Variants in CACNA1I observed in about 807,000 individuals in gnomAD.
CACNA1I encodes the protein voltage-dependent T-type calcium channel subunit alpha-1I.
Under a neutral mutation model 201.6 loss-of-function variants are expected in CACNA1I, and 74 were observed. That is an observed-to-expected ratio of 0.37 (90% CI 0.30 to 0.45). The LOEUF (loss-of-function observed/expected upper bound fraction) is 0.45, where lower values mean the gene tolerates loss of function less well. Among genes scored for constraint, CACNA1I ranks in the 20% least tolerant of loss-of-function variants. The probability of loss-of-function intolerance (pLI) is 1.00; values close to 1 mark genes in which losing one functional copy is unlikely to be tolerated. For missense variants in CACNA1I, 2,346 were observed against 3,138.1 expected, an observed-to-expected ratio of 0.75 and a Z score of 6.03; for synonymous variants, 1,431 against 1,345.2, an observed-to-expected ratio of 1.06 and a Z score of -1.40.
chr22:39,596,634 C>T (rs1445398752), intron 1 of CACNA1I, among the ~76,000 whole-genome samples: 1 of 150,980 alleles, frequency 6.6e-6, no homozygotes, highest in African/African-American at 2.4e-5. Flanking sequence ...AGCCCAGGAG[C>T]AGGGGCAGGG....
At chr22:39,590,016 G>A (rs990635086) in intron 1 of CACNA1I, among the ~76,000 whole-genome samples, 17 of 151,492 alleles carry the variant, frequency 1.1e-4, no homozygotes, top group African/African-American at 2.9e-4. Context: ...ACTGAGTGTC[G>A]CCTGGGCCTG....
In CACNA1I at chr22:39,676,005, G is replaced by A. The variant is rs746848832; in HGVS notation, c.4855-1336G>A. 1.3e-5 allele frequency among the ~76,000 whole-genome samples: 2 copies of A among 152,240 alleles called. No individual in the cohort carries two copies. The highest frequency in any genetic ancestry group is 1.9e-4 in the East Asian group (1 of 5,196). Reference sequence around the variant, plus strand: ...GTTCTAGACAAGGAAGGCTGCAGCCGAGCTGCCTTTGAGAAGGTGGCTCTG... The same window carrying A: ...GTTCTAGACAAGGAAGGCTGCAGCCAAGCTGCCTTTGAGAAGGTGGCTCTG... On this transcript the variant is annotated intron_variant, in intron 29 of 36. Transcript: ENST00000402142. This position sits in a 1 kb window ranked among gnomAD's most constrained non-coding sequence, Gnocchi z 4.8.
In CACNA1I at chr22:39,651,680, CG is replaced by C. The variant is rs578158817; in HGVS notation, c.1992+1757del. ...GCACAGCCCTGCTACCCTCGAGCCC[CG>C]GCACTGTCCTTGCCAGGGGCTTGCT... is the stretch of plus-strand genomic sequence containing the variant. On this transcript the variant is annotated intron_variant, in intron 10 of 36. Transcript: ENST00000402142. Among the ~76,000 whole-genome samples, 8 of 152,328 alleles carry C rather than the reference CG, an allele frequency of 5.3e-5. No individual in the cohort carries two copies. In the South Asian group the frequency reaches 1.7e-3, roughly 32 times the overall value.
At chr22:39,592,080 G>A (rs12170923) in intron 1 of CACNA1I, among the ~76,000 whole-genome samples, 2 of 152,292 alleles carry the variant, frequency 1.3e-5, no homozygotes, top group Non-Finnish European at 2.9e-5. Context: ...GTGGGGCTGA[G>A]GGCCCAGGCT....
chr22:39,580,961 G>A (rs937612549), intron 1 of CACNA1I, among the ~76,000 whole-genome samples: 1 of 152,226 alleles, frequency 6.6e-6, no homozygotes, highest in Non-Finnish European at 1.5e-5. Context: ...CATGTCATGT[G>A]GGACCGCAGT....
rs931104628 is a variant in CACNA1I at position 39,687,005 on chromosome 22, G to A, written c.*600G>A. On this transcript the variant is annotated 3_prime_UTR_variant, in exon 37 of 37. Transcript: ENST00000402142. The stretch of plus-strand genomic sequence containing the variant: ...TCCCACGTGGCTCCCACGTGTCGGG[G>A]TGTCTGTCCTGTCATCCTGACTGTC... The A allele has an allele frequency of 2.0e-5, 3 of 152,120 alleles. No individual in the cohort carries two copies. The highest frequency in any genetic ancestry group is 6.5e-5 in the Admixed American group (1 of 15,280). 9.4% of individuals were successfully genotyped at this position (152,120 alleles called of 1,614,324 possible).
rs1004250243 is a variant in CACNA1I, at chr22:39,670,201, G to A, written c.4358G>A (p.Arg1453Gln). The A allele has an allele frequency of 1.1e-5, 18 of 1,613,542 alleles. No individual in the cohort carries two copies. The highest frequency in any genetic ancestry group is 4.0e-5 in the African/African-American group (3 of 74,954). Residue 1453 changes from arginine (R) to glutamine (Q), a missense_variant, in exon 25 of 37, where the codon CGG (arginine) becomes CAG (glutamine). This residue lies in a region of CACNA1I where 228 missense variants were observed against 395.7 expected (regional missense o/e 0.58). Transcript: ENST00000402142. ...AEEARRREEK[R>Q]LRRLEKKRRK... is the part of the protein sequence containing the mutation. ...GAGGCACGGCGGCGTGAGGAGAAGC[G>A]GCTGCGGCGCCTGGAGAAGAAGCGC...
intron 16 of CACNA1I, 86 bp downstream of exon 16, chr22:39,661,396 G>A: frequency 3.7e-6 from 4 of 1,072,618 alleles, no homozygotes; most frequent in Non-Finnish European, 5.2e-6. Flanking sequence ...TGCCAGTCTA[G>A]CCTCAGACTC....
intron 2 of CACNA1I, 61 bp from the exon 3 acceptor site, chr22:39,600,459 C>A (rs1932999937): frequency 9.6e-6 from 14 of 1,459,870 alleles, no homozygotes; most frequent in Non-Finnish European, 1.3e-5. Context: ...GTGGCTGCAA[C>A]CCCTGGGCCC....
intron 1 of CACNA1I, among the ~76,000 whole-genome samples, chr22:39,584,321 C>T (rs1932673961): frequency 6.6e-6 from 1 of 152,050 alleles, no homozygotes. Flanking sequence ...GATGGGGGTG[C>T]ATCCTTCATG....
chr22:39,618,293 G>GTC, intron 3 of CACNA1I, among the ~76,000 whole-genome samples: 1 of 150,828 alleles, frequency 6.6e-6, no homozygotes, highest in South Asian at 2.1e-4. Flanking sequence ...GTGTGACTGT[G>GTC]TGTGCAGGTG....
In CACNA1I at chr22:39,648,278, G is replaced by A. The variant is rs893035423; in HGVS notation, c.1567+352G>A. 1.3e-5 allele frequency among the ~76,000 whole-genome samples: 2 copies of A among 152,142 alleles called. No individual in the cohort carries two copies. The highest frequency in any genetic ancestry group is 6.5e-5 in the Admixed American group (1 of 15,284). On this transcript the variant is annotated intron_variant, in intron 9 of 36. Transcript: ENST00000402142. The surrounding 1 kb of genome is among the most constrained non-coding windows in gnomAD (Gnocchi z 5.4). ...GCTCGGAGGAGGCCCCAGGTGGCCCGTGGGCAGGCCCGGCATGCGGACACA... is the reference window on the plus strand; with the variant it reads ...GCTCGGAGGAGGCCCCAGGTGGCCCATGGGCAGGCCCGGCATGCGGACACA...
intron 5 of CACNA1I, among the ~76,000 whole-genome samples, chr22:39,635,374 G>A (rs552387332): frequency 3.3e-5 from 5 of 152,228 alleles, no homozygotes; most frequent in Admixed American, 6.5e-5. Flanking sequence ...CTTGAGAAGC[G>A]CAGGGCTGGG....
intron 3 of CACNA1I, among the ~76,000 whole-genome samples, chr22:39,601,437 G>A (rs1933026251): frequency 6.6e-6 from 1 of 152,236 alleles, no homozygotes; most frequent in African/African-American, 2.4e-5. Flanking sequence ...CCAAGCTGGG[G>A]ACTTGGGGGC....
chr22:39,588,377 CTTTCTTTCTTTT>C (rs747195443), intron 1 of CACNA1I, among the ~76,000 whole-genome samples: 1 of 135,518 alleles, frequency 7.4e-6, no homozygotes. Context: ...TTCTTTCTTT[CTTTCTTTCTTTT>C]TTTTTTTTTT....
At chr22:39,614,284 G>A (rs569923455) in intron 3 of CACNA1I, among the ~76,000 whole-genome samples, 9 of 152,234 alleles carry the variant, frequency 5.9e-5, no homozygotes, top group South Asian at 2.1e-4. Flanking sequence ...TAAACCAACC[G>A]GGACCCTGAG....
chr22:39,596,136 G>A (rs1426388277), intron 1 of CACNA1I, among the ~76,000 whole-genome samples: 5 of 110,686 alleles, frequency 4.5e-5, no homozygotes, highest in African/African-American at 1.5e-4. Flanking sequence ...AGGGCAGGGC[G>A]GAGAGAGATG....
rs756317268 is a variant in CACNA1I, at chr22:39,658,954, C to A, written c.2168C>A (p.Ala723Glu). 6.2e-7 allele frequency: 1 copy of A among 1,600,790 alleles called. No individual in the cohort carries two copies. Among genetic ancestry groups the A allele is most frequent in the East Asian group, 2.2e-5 (1 of 44,590 alleles). Residue 723 changes from alanine to glutamate, a missense_variant, in exon 12 of 37, where the codon GCG (alanine) becomes GAG (glutamate). Physicochemically the swap from Ala to Glu is moderately radical, Grantham distance 107. Coordinates refer to ENST00000402142, the MANE Select transcript of CACNA1I (RefSeq NM_021096.4). ...AGCATCTGGGAGATTGTGGGGCAGG[C>A]GGACGGTGGGCTGTCGGTGCTGCGG... ...IISIWEIVGQ[A>E]DGGLSVLRTF...
intron 1 of CACNA1I, among the ~76,000 whole-genome samples, chr22:39,584,100 T>C (rs546051387): frequency 2.8e-4 from 42 of 152,188 alleles, no homozygotes; most frequent in Admixed American, 2.4e-3. Flanking sequence ...CTGGCTGCCA[T>C]GGAGGTGGGG....
Sources: allele counts gnomAD v4.1 joint callset (sites outside exome capture counted in the v4.1 genomes callset), GRCh38; gene constraint gnomAD v4.1.1; regional missense constraint gnomAD v4.1.1; non-coding constraint Gnocchi (gnomAD v3.1); transcripts MANE v1.5; gene names NCBI Gene and HGNC (gene_info 2026-07-23, HGNC 2026-07-21).